Variants in PTPRD observed in about 807,000 individuals in gnomAD.
PTPRD encodes receptor-type tyrosine-protein phosphatase delta.
PTPRD carries 34 observed loss-of-function variants against 214.5 expected under a neutral mutation model. That is an observed-to-expected ratio of 0.16 (90% confidence interval 0.12 to 0.21). The LOEUF (loss-of-function observed/expected upper bound fraction) is 0.21. Among genes scored for constraint, PTPRD ranks in the 10% least tolerant of loss-of-function variants. PTPRD has a pLI of 1.00. For missense variants in PTPRD, 2,545 were observed against 2,398.7 expected (o/e 1.06, Z -1.27); for synonymous variants, 1,128 against 845.7 (o/e 1.33, Z -5.79).
At chr9:9,793,377 C>T (rs933403122) in intron 5 of PTPRD, among the ~76,000 whole-genome samples, 43 of 151,980 alleles carry the variant, frequency 2.8e-4, no homozygotes, top group Non-Finnish European at 7.4e-5. Context: ...AAGTAAAACT[C>T]CTACTTGGTC....
At chr9:10,569,785 G>T (rs760791019) in intron 2 of PTPRD, among the ~76,000 whole-genome samples, 21 of 151,906 alleles carry the variant, frequency 1.4e-4, no homozygotes, top group Non-Finnish European at 2.8e-4. Flanking sequence ...TTATATTTTG[G>T]TGTGCTTTAC....
intron 21 of PTPRD, 132 bp downstream of exon 21, chr9:8,517,716 C>A: frequency 1.4e-6 from 1 of 716,236 alleles, no homozygotes. Flanking sequence ...TATCTATCAT[C>A]TGTTGCTTTG....
chr9:10,563,378 G>A (rs1007215743), intron 2 of PTPRD, among the ~76,000 whole-genome samples: 53 of 152,232 alleles, frequency 3.5e-4, no homozygotes, highest in Admixed American at 4.6e-4. Flanking sequence ...AAAAGAGACA[G>A]AAAACTATCC....
intron 14 of PTPRD, among the ~76,000 whole-genome samples, 191 bp from the exon 15 acceptor site, chr9:8,528,970 C>T (rs1241389238): frequency 3.3e-5 from 5 of 151,978 alleles, no homozygotes; most frequent in African/African-American, 7.2e-5. Context: ...ATGTAAGAGG[C>T]CAACAGACTA....
intron 4 of PTPRD, among the ~76,000 whole-genome samples, chr9:10,022,529 T>C (rs541089850): frequency 1.3e-5 from 2 of 152,348 alleles, no homozygotes; most frequent in Non-Finnish European, 2.9e-5. Flanking sequence ...TTTTTGCCAT[T>C]GAAAGTAATG....
chr9:10,581,889 T>C (rs1052285983), intron 2 of PTPRD, among the ~76,000 whole-genome samples: 5 of 152,274 alleles, frequency 3.3e-5, no homozygotes, highest in East Asian at 3.9e-4. Context: ...ATAAGCACCA[T>C]CAAGCTACAT....
At chr9:8,692,467 T>G (rs1373853161) in intron 12 of PTPRD, among the ~76,000 whole-genome samples, 1 of 152,204 alleles carries the variant, frequency 6.6e-6, no homozygotes, top group Non-Finnish European at 1.5e-5. Flanking sequence ...TCATTTCCAA[T>G]CACATCCCAT....
At chr9:9,021,735 TTG>T (rs1405774445) in intron 10 of PTPRD, among the ~76,000 whole-genome samples, 10 of 152,094 alleles carry the variant, frequency 6.6e-5, no homozygotes, top group Non-Finnish European at 1.5e-4. Flanking sequence ...ATGTGTGTGT[TTG>T]TGTCTTAATT....
intron 3 of PTPRD, among the ~76,000 whole-genome samples, chr9:10,253,792 C>A (rs966434546): frequency 2.0e-5 from 3 of 152,094 alleles, no homozygotes; most frequent in African/African-American, 7.2e-5. Flanking sequence ...TAGGCAAACT[C>A]TAATTTTCAC....
intron 3 of PTPRD, among the ~76,000 whole-genome samples, chr9:10,075,790 A>C (rs2098123140): frequency 6.6e-6 from 1 of 152,114 alleles, no homozygotes; most frequent in Non-Finnish European, 1.5e-5. Flanking sequence ...CTTAAATTTT[A>C]AACACACTAA....
chr9:9,978,527 T>C (rs1303320798), intron 4 of PTPRD, among the ~76,000 whole-genome samples: 1 of 151,738 alleles, frequency 6.6e-6, no homozygotes, highest in East Asian at 1.9e-4. Flanking sequence ...GAAGGTAAAA[T>C]TTAAAAAATA....
intron 12 of PTPRD, among the ~76,000 whole-genome samples, chr9:8,669,464 T>C (rs2097235670): frequency 6.6e-6 from 1 of 152,210 alleles, no homozygotes; most frequent in Non-Finnish European, 1.5e-5. Context: ...GAGAAGGATG[T>C]GGGAAATCCC....
Position 8,751,193 on chromosome 9 carries a change from T to C in PTPRD, c.-103-17247A>G, listed in dbSNP as rs559014997. On this transcript the variant is annotated intron_variant, in intron 11 of 45. Coordinates refer to ENST00000381196, the MANE Select transcript of PTPRD (RefSeq NM_002839.4). ...TGCCCTACAAAATCAAATGACTTTT[T>C]TTCTCCCATTTCTCTTCCATAGAGC... 1.8e-3 allele frequency among the ~76,000 whole-genome samples: 267 copies of C among 152,284 alleles called. 1 individual carries two copies. The highest frequency in any genetic ancestry group is 6.0e-3 in the African/African-American group (250 of 41,556).
intron 11 of PTPRD, among the ~76,000 whole-genome samples, chr9:8,753,005 C>A (rs1021885725): frequency 2.6e-5 from 4 of 152,172 alleles, no homozygotes; most frequent in Non-Finnish European, 4.4e-5. Context: ...AGTACATTTA[C>A]CCTACTTTAA....
chr9:8,324,756 G>A (rs1831909181), intron 44 of PTPRD, among the ~76,000 whole-genome samples: 1 of 152,076 alleles, frequency 6.6e-6, no homozygotes, highest in South Asian at 2.1e-4. Context: ...ATCCTCCCCA[G>A]CATCTGTTGT....
At chr9:10,439,272 G>C (rs762259270) in intron 2 of PTPRD, among the ~76,000 whole-genome samples, 2 of 151,786 alleles carry the variant, frequency 1.3e-5, no homozygotes, top group Non-Finnish European at 2.9e-5. Context: ...CCCAGCTAGG[G>C]AGAAAAAGGA....
At chr9:10,026,928 G>A (rs575495459) in intron 4 of PTPRD, among the ~76,000 whole-genome samples, 18 of 151,526 alleles carry the variant, frequency 1.2e-4, no homozygotes, top group Non-Finnish European at 2.2e-4. Flanking sequence ...AACCTGCAGT[G>A]CTTCTCAGGT....
At chr9:9,437,098 C>G (rs560030285) in intron 8 of PTPRD, among the ~76,000 whole-genome samples, 1 of 152,112 alleles carries the variant, frequency 6.6e-6, no homozygotes, top group African/African-American at 2.4e-5. Context: ...TTTTGGGCAG[C>G]GAATTCACTG....
intron 8 of PTPRD, among the ~76,000 whole-genome samples, chr9:9,460,300 A>T (rs2093525002): frequency 6.6e-6 from 1 of 152,132 alleles, no homozygotes; most frequent in African/African-American, 2.4e-5. Context: ...TTTATGACTA[A>T]GACCTCAAAA....
Sources: allele counts gnomAD v4.1 joint callset (sites outside exome capture counted in the v4.1 genomes callset), GRCh38; gene constraint gnomAD v4.1.1; transcripts MANE v1.5; gene names NCBI Gene and HGNC (gene_info 2026-07-23, HGNC 2026-07-21).